Variants in CACNA1E observed in about 807,000 individuals in gnomAD.
CACNA1E encodes the protein voltage-dependent R-type calcium channel subunit alpha-1E.
Under a neutral mutation model 259.2 loss-of-function variants are expected in CACNA1E, and 40 were observed. That is an observed-to-expected ratio of 0.15 (90% CI 0.12 to 0.20). The LOEUF (loss-of-function observed/expected upper bound fraction) is 0.20. Among genes scored for constraint, CACNA1E ranks in the 10% least tolerant of loss-of-function variants. The probability of loss-of-function intolerance (pLI) is 1.00; values close to 1 mark genes in which losing one functional copy is unlikely to be tolerated. For synonymous variants in CACNA1E, 1,104 were observed against 1,138.5 expected (o/e 0.97, Z 0.61); for missense variants, 1,874 against 3,040.1 (o/e 0.62, Z 9.02).
chr1:181,739,886 T>A (rs915169394), intron 25 of CACNA1E, among the ~76,000 whole-genome samples: 3 of 152,060 alleles, frequency 2.0e-5, no homozygotes, highest in East Asian at 3.9e-4. Flanking sequence ...TTTGTGGGAT[T>A]TTTTTCCCCC....
chr1:181,572,653 T>G (rs867530232), intron 3 of CACNA1E, among the ~76,000 whole-genome samples: 1 of 152,320 alleles, frequency 6.6e-6, no homozygotes. Flanking sequence ...GGAGCACAGA[T>G]ATATGCCTCT....
At chr1:181,583,966 T>C (rs1651807824) in intron 6 of CACNA1E, among the ~76,000 whole-genome samples, 1 of 152,194 alleles carries the variant, frequency 6.6e-6, no homozygotes, top group African/African-American at 2.4e-5. Flanking sequence ...CACAGTACAA[T>C]GTGTTCTCCT....
At chr1:181,525,539 A>G (rs967020471) in intron 3 of CACNA1E, among the ~76,000 whole-genome samples, 2 of 152,222 alleles carry the variant, frequency 1.3e-5, no homozygotes, top group African/African-American at 2.4e-5. Context: ...TAAAATGTCC[A>G]TGTTGGCCTG....
At chr1:181,552,270 C>G (rs1648255593) in intron 3 of CACNA1E, among the ~76,000 whole-genome samples, 4 of 152,204 alleles carry the variant, frequency 2.6e-5, no homozygotes, top group African/African-American at 9.7e-5. Flanking sequence ...CTCTGTCGTT[C>G]CCAGATCTTT....
At chr1:181,777,966 C>T (rs957355515) in intron 38 of CACNA1E, among the ~76,000 whole-genome samples, 11 of 152,200 alleles carry the variant, frequency 7.2e-5, no homozygotes, top group African/African-American at 2.7e-4. Context: ...TTTCACTTAT[C>T]TTGGGATCCA....
intron 8 of CACNA1E, among the ~76,000 whole-genome samples, chr1:181,714,110 A>G (rs1653660253): frequency 6.6e-6 from 1 of 152,180 alleles, no homozygotes; most frequent in South Asian, 2.1e-4. Context: ...GCTCGGTTCC[A>G]CAGGACTGCC....
At chr1:181,715,905 G>A in intron 9 of CACNA1E, 135 bp from the exon 10 acceptor site, 1 of 641,432 alleles carries the variant, frequency 1.6e-6, no homozygotes, top group South Asian at 1.9e-5. Context: ...CCCTGGCTCA[G>A]GTATTAAAGG....
At chr1:181,539,890 T>C (rs765559306) in intron 3 of CACNA1E, among the ~76,000 whole-genome samples, 10 of 152,212 alleles carry the variant, frequency 6.6e-5, no homozygotes, top group Non-Finnish European at 1.5e-4. Context: ...TTACTTATTA[T>C]AGGTCTTGTG....
intron 6 of CACNA1E, among the ~76,000 whole-genome samples, chr1:181,628,049 T>C (rs1425318051): frequency 6.6e-6 from 1 of 152,230 alleles, no homozygotes; most frequent in Non-Finnish European, 1.5e-5. Flanking sequence ...CCAGAAGCTA[T>C]TGAAGATGAT....
intron 6 of CACNA1E, among the ~76,000 whole-genome samples, chr1:181,632,519 A>G (rs1656843096): frequency 6.6e-6 from 1 of 152,178 alleles, no homozygotes; most frequent in Non-Finnish European, 1.5e-5. Flanking sequence ...GTATTTACAG[A>G]TGTGGGCTTT....
intron 1 of CACNA1E, among the ~76,000 whole-genome samples, chr1:181,345,741 A>T (rs749871201): frequency 6.6e-6 from 1 of 152,242 alleles, no homozygotes; most frequent in Non-Finnish European, 1.5e-5. Context: ...CAGGAAGGGC[A>T]GATGACTTGC....
intron 7 of CACNA1E, among the ~76,000 whole-genome samples, chr1:181,676,024 G>A (rs750681601): frequency 4.8e-4 from 63 of 131,590 alleles, no homozygotes; most frequent in Admixed American, 1.9e-3. Context: ...TAGCCCAAGC[G>A]ACAGTGTGTG....
chr1:181,796,334 G>A (rs1661802911), intron 46 of CACNA1E, among the ~76,000 whole-genome samples: 1 of 152,136 alleles, frequency 6.6e-6, no homozygotes, highest in Non-Finnish European at 1.5e-5. Flanking sequence ...TCTGTAGGCT[G>A]GGAAATCCAA....
chr1:181,628,653 A>G (rs6701835), intron 6 of CACNA1E, among the ~76,000 whole-genome samples: 4,437 of 152,308 alleles, frequency 0.029, 239 homozygotes, highest in African/African-American at 0.1. Context: ...TTTGTCCTAG[A>G]GTGAAATATG....
intron 7 of CACNA1E, among the ~76,000 whole-genome samples, chr1:181,673,214 A>G (rs1299795837): frequency 1.2e-5 from 1 of 80,132 alleles, no homozygotes; most frequent in Non-Finnish European, 2.9e-5. Context: ...GTATGTATGT[A>G]TATGAGTATG....
intron 1 of CACNA1E, among the ~76,000 whole-genome samples, chr1:181,500,827 A>G (rs1221024017): frequency 6.6e-6 from 1 of 152,212 alleles, no homozygotes; most frequent in East Asian, 1.9e-4. Flanking sequence ...GAGGAAAACA[A>G]ACATTCTCCC....
intron 2 of CACNA1E, among the ~76,000 whole-genome samples, chr1:181,478,305 A>G (rs902034694): frequency 8.5e-5 from 13 of 152,182 alleles, no homozygotes; most frequent in Non-Finnish European, 1.6e-4. Context: ...GGGGCTTCTC[A>G]GGCTTAGGTT....
intron 3 of CACNA1E, among the ~76,000 whole-genome samples, chr1:181,563,607 C>T (rs1225912594): frequency 6.6e-6 from 1 of 152,124 alleles, no homozygotes; most frequent in Non-Finnish European, 1.5e-5. Context: ...GCTCAAGGAT[C>T]ATGAGTGAGT....
At chr1:181,450,922 A>G (rs1246604172) in intron 2 of CACNA1E, among the ~76,000 whole-genome samples, 1 of 152,200 alleles carries the variant, frequency 6.6e-6, no homozygotes. Flanking sequence ...TAGGAATTGC[A>G]AAGAGTAGGA....
Sources: gnomAD v4.1 joint callset for allele counts (sites outside exome capture counted in the v4.1 genomes callset) on GRCh38, gnomAD v4.1.1 for gene constraint, MANE v1.5 for transcripts, NCBI Gene and HGNC (gene_info 2026-07-23, HGNC 2026-07-21) for gene names.